Variants in RALY observed in about 807,000 individuals in gnomAD.
RALY encodes the protein RNA-binding protein Raly.
In RALY, 15 loss-of-function variants were observed where a neutral mutation model predicts 30.7. The ratio of observed to expected loss-of-function variants is 0.49; its 90% CI spans 0.33 to 0.75. RALY has a LOEUF of 0.75. Among genes scored for constraint, RALY ranks in the 30% least tolerant of loss-of-function variants. RALY has a pLI of 0.02. For missense variants in RALY, 339 were observed against 414.3 expected (o/e 0.82, Z 1.58); for synonymous variants, 177 against 170.8 (o/e 1.04, Z -0.28).
intron 1 of RALY, chr20:34,016,569 A>G (rs2031615414): frequency 6.6e-6 from 1 of 152,266 alleles, no homozygotes; most frequent in South Asian, 2.1e-4. Context: ...TTGTGTAGCC[A>G]GGTTGGGAAA....
intron 2 of RALY, among the ~76,000 whole-genome samples, chr20:34,042,464 A>G (rs950757134): frequency 6.6e-6 from 1 of 152,148 alleles, no homozygotes; most frequent in African/African-American, 2.4e-5. Context: ...TTAAGTGACC[A>G]CTTCTAACAC....
chr20:34,076,984 C>T (rs776187584), intron 7 of RALY, 44 bp from the exon 8 acceptor site: 2 of 1,609,790 alleles, frequency 1.2e-6, no homozygotes, highest in Admixed American at 1.7e-5. Context: ...ACAGCTACCC[C>T]AGGCTGAGTT....
At chr20:34,022,771 T>C (rs1307206893) in intron 1 of RALY, among the ~76,000 whole-genome samples, 1 of 152,204 alleles carries the variant, frequency 6.6e-6, no homozygotes, top group Non-Finnish European at 1.5e-5. Context: ...AGGCAATTCA[T>C]TTCATGTCTC....
At chr20:34,077,774 G>T in intron 8 of RALY, 1 of 198,754 alleles carries the variant, frequency 5.0e-6, no homozygotes, top group Non-Finnish European at 1.0e-5. Context: ...GTGGGATATG[G>T]GTTGTACACT....
Position 34,076,720 on chromosome 20 carries a change from A to T in RALY, c.563A>T (p.Gln188Leu). ...CTCCCAGTAAAGAGCAGTGAGCTGC[A>T]GGCCATCAAGACGGAGCTGACACAG... ...AKIKLKSSELQAIKTELTQIK... is the reference protein window; with the variant it reads ...AKIKLKSSELLAIKTELTQIK... Residue 188 changes from glutamine to leucine, a missense_variant, in exon 7 of 10, where the codon CAG (glutamine) becomes CTG (leucine). Gln to Leu is a moderately radical substitution (Grantham distance 113, BLOSUM62 -2). Coordinates refer to ENST00000246194, the MANE Select transcript of RALY (RefSeq NM_016732.3). The T allele has an allele frequency of 6.2e-7, 1 of 1,614,098 alleles. No homozygotes were observed. The highest frequency in any genetic ancestry group is 8.5e-7 in the Non-Finnish European group (1 of 1,180,008).
intron 2 of RALY, among the ~76,000 whole-genome samples, chr20:34,047,227 G>T (rs1438859186): frequency 6.6e-6 from 1 of 152,198 alleles, no homozygotes; most frequent in Non-Finnish European, 1.5e-5. Flanking sequence ...ATGTGTCTTT[G>T]TTGAATACAG....
At chr20:34,028,310 T>C (rs6059637) in intron 1 of RALY, among the ~76,000 whole-genome samples, 1 of 150,474 alleles carries the variant, frequency 6.6e-6, no homozygotes, top group Non-Finnish European at 1.5e-5. Context: ...AGAAATCTTA[T>C]AACTGACTAG....
intron 2 of RALY, among the ~76,000 whole-genome samples, chr20:34,045,112 A>G (rs1449788138): frequency 2.6e-5 from 4 of 152,088 alleles, no homozygotes; most frequent in Admixed American, 6.5e-5. Flanking sequence ...GGGTCTCCCT[A>G]CGTTGCCTAG....
Position 34,075,960 on chromosome 20 carries a change from T to C in RALY, c.464T>C (p.Val155Ala), listed in dbSNP as rs1396679940. ...CGACCCCGGGTCACAGTCCCTTTGGTCCGGCGTGTCAAAACTAACGTACCT... is the reference window on the plus strand; with the variant it reads ...CGACCCCGGGTCACAGTCCCTTTGGCCCGGCGTGTCAAAACTAACGTACCT... ...VKRPRVTVPL[V>A]RRVKTNVPVK... Residue 155 changes from valine (V) to alanine (A), a missense_variant, in exon 6 of 10, where the codon GTC becomes GCC. This residue lies in a region of RALY where 268 missense variants were observed against 280.6 expected (regional missense o/e 0.95). Coordinates refer to ENST00000246194, the MANE Select transcript of RALY (RefSeq NM_016732.3). 4 of 1,614,102 alleles carry C rather than the reference T, an allele frequency of 2.5e-6. No homozygotes were observed. The highest frequency in any genetic ancestry group is 3.4e-6 in the Non-Finnish European group (4 of 1,180,048).
intron 2 of RALY, among the ~76,000 whole-genome samples, chr20:34,040,006 G>A (rs2032639239): frequency 6.6e-6 from 1 of 151,992 alleles, no homozygotes; most frequent in Admixed American, 6.5e-5. Context: ...AGCTACTTGG[G>A]AGGCTGAGGC....
In RALY at chr20:34,071,295, C is replaced by CT. The variant is rs869106387; in HGVS notation, c.-9-759dup. ...AGACTAAGCAGTTTTCTTTTCTTTTCTTTTTTTTTTTTAGACAGAGTCTGG... is the reference window on the plus strand; with the variant it reads ...AGACTAAGCAGTTTTCTTTTCTTTTCTTTTTTTTTTTTTAGACAGAGTCTGG... On this transcript the variant is annotated intron_variant, in intron 2 of 9. Coordinates refer to ENST00000246194, the MANE Select transcript of RALY (RefSeq NM_016732.3). Among the ~76,000 whole-genome samples the CT allele has an allele frequency of 7.7e-3, 1,107 of 144,202 alleles. 14 individuals are homozygous for CT. Among genetic ancestry groups the CT allele is most frequent in the African/African-American group, 0.024 (949 of 39,598 alleles). The allele number at this position is 144,202 out of a possible 152,430, so 94.6% of individuals were successfully genotyped here. A position where few individuals can be genotyped will look rare whatever the true frequency, so the allele number is the denominator to read the frequency against.
intron 2 of RALY, among the ~76,000 whole-genome samples, chr20:34,037,807 G>A (rs1243111818): frequency 6.6e-6 from 1 of 152,194 alleles, no homozygotes; most frequent in Non-Finnish European, 1.5e-5. Context: ...GTCCTTCAGG[G>A]TATGGGGATG....
At chr20:34,032,483 A>T (rs183971009) in intron 2 of RALY, among the ~76,000 whole-genome samples, 1 of 148,200 alleles carries the variant, frequency 6.7e-6, no homozygotes, top group Non-Finnish European at 1.5e-5. Flanking sequence ...ACTGATCTCA[A>T]TCTAGACAAA....
intron 1 of RALY, among the ~76,000 whole-genome samples, chr20:34,027,672 T>A (rs1313949702): frequency 6.6e-6 from 1 of 152,190 alleles, no homozygotes; most frequent in Non-Finnish European, 1.5e-5. Flanking sequence ...CCATAACCCC[T>A]TATTCAGAGC....
intron 2 of RALY, among the ~76,000 whole-genome samples, chr20:34,058,456 C>T (rs1023228277): frequency 3.3e-5 from 5 of 151,988 alleles, no homozygotes; most frequent in African/African-American, 1.2e-4. Flanking sequence ...CTAAGCTGCT[C>T]TCTGAAAGGA....
intron 1 of RALY, among the ~76,000 whole-genome samples, chr20:33,999,402 G>T (rs1298154417): frequency 6.6e-6 from 1 of 152,160 alleles, no homozygotes; most frequent in Non-Finnish European, 1.5e-5. Flanking sequence ...GAGAGAGTGA[G>T]AGTATGGCAC....
chr20:34,007,820 C>A (rs1399354782), intron 1 of RALY, among the ~76,000 whole-genome samples: 213 of 101,398 alleles, frequency 2.1e-3, no homozygotes, highest in Non-Finnish European at 2.5e-3. Flanking sequence ...AACTCCGTCT[C>A]AAAAAAAAAA....
Position 34,004,443 on chromosome 20 carries a change from A to C in RALY, c.-93+10312A>C, listed in dbSNP as rs551237564. 3.9e-5 allele frequency among the ~76,000 whole-genome samples: 6 copies of C among 152,330 alleles called. No homozygotes were observed. In the South Asian group the frequency reaches 1.2e-3, roughly 32 times the overall value. ...CCCCCCTTTTCCAGAAAGAATGGTC[A>C]CAGGTGATTAGGCTGCAGAGATGGA... is the stretch of plus-strand genomic sequence containing the variant. On this transcript the variant is annotated intron_variant, in intron 1 of 9. Transcript: ENST00000246194.
At chr20:34,032,252 C>T (rs772973692) in intron 2 of RALY, among the ~76,000 whole-genome samples, 39 of 152,180 alleles carry the variant, frequency 2.6e-4, no homozygotes, top group Non-Finnish European at 4.3e-4. Context: ...CGTGAGCCAC[C>T]GCGCCCGGCC....
Sources: allele counts gnomAD v4.1 joint callset (sites outside exome capture counted in the v4.1 genomes callset), GRCh38; gene constraint gnomAD v4.1.1; regional missense constraint gnomAD v4.1.1; transcripts MANE v1.5; gene names NCBI Gene and HGNC (gene_info 2026-07-23, HGNC 2026-07-21).